Variants in NRXN3 observed in about 807,000 individuals in gnomAD.
NRXN3 encodes the protein neurexin 3.
In NRXN3, 32 loss-of-function variants were observed where a neutral mutation model predicts 137.6. That is an observed-to-expected ratio of 0.23 (90% confidence interval 0.18 to 0.31). NRXN3 has a LOEUF of 0.31. NRXN3 is among the 10% of genes least tolerant of loss of function. NRXN3 has a pLI of 1.00. For synonymous variants in NRXN3, 798 were observed against 784.5 expected, an observed-to-expected ratio of 1.02 and a Z score of -0.29; for missense variants, 1,574 against 2,062.5, an observed-to-expected ratio of 0.76 and a Z score of 4.59.
intron 19 of NRXN3, among the ~76,000 whole-genome samples, chr14:79,795,596 C>A (rs1299002609): frequency 6.6e-6 from 1 of 152,210 alleles, no homozygotes; most frequent in Non-Finnish European, 1.5e-5. Context: ...CCACAGATCA[C>A]TTGTAACTCC....
At chr14:78,966,462 C>A in intron 12 of NRXN3, 56 bp downstream of exon 12, 2 of 1,530,804 alleles carry the variant, frequency 1.3e-6, no homozygotes, top group Non-Finnish European at 1.8e-6. Context: ...TGAAGCTCTA[C>A]GTAAAATATG....
At chr14:78,613,164 C>A (rs572817611) in intron 4 of NRXN3, among the ~76,000 whole-genome samples, 1 of 152,104 alleles carries the variant, frequency 6.6e-6, no homozygotes, top group Non-Finnish European at 1.5e-5. Flanking sequence ...TGTTTAATTG[C>A]GCTAAGTTCT....
At chr14:79,494,434 CA>C (rs2096746900) in intron 16 of NRXN3, among the ~76,000 whole-genome samples, 1 of 152,108 alleles carries the variant, frequency 6.6e-6, no homozygotes, top group Non-Finnish European at 1.5e-5. Context: ...ACACAGAAAG[CA>C]AAAGAGGTGA....
intron 16 of NRXN3, among the ~76,000 whole-genome samples, chr14:79,597,343 G>T (rs1206188231): frequency 1.3e-5 from 2 of 152,140 alleles, no homozygotes; most frequent in African/African-American, 4.8e-5. Flanking sequence ...GGAAATGCTT[G>T]TCAGACAAGC....
At chr14:78,859,299 C>G (rs1203787419) in intron 10 of NRXN3, among the ~76,000 whole-genome samples, 1 of 152,068 alleles carries the variant, frequency 6.6e-6, no homozygotes, top group Admixed American at 6.6e-5. Flanking sequence ...CTTGGGTACT[C>G]CTTCATAGCG....
chr14:78,962,944 C>A (rs1218620688), intron 11 of NRXN3, among the ~76,000 whole-genome samples: 1 of 152,094 alleles, frequency 6.6e-6, no homozygotes, highest in African/African-American at 2.4e-5. Context: ...GATCTCCTGA[C>A]CTCGTGATCC....
At chr14:78,303,912 C>G (rs1262672591) in intron 4 of NRXN3, among the ~76,000 whole-genome samples, 2 of 152,138 alleles carry the variant, frequency 1.3e-5, no homozygotes, top group East Asian at 3.8e-4. Flanking sequence ...TGTCTTTGCC[C>G]TCTCTGTCAC....
At chr14:78,789,459 C>T (rs1309447621) in intron 8 of NRXN3, among the ~76,000 whole-genome samples, 1 of 152,102 alleles carries the variant, frequency 6.6e-6, no homozygotes, top group East Asian at 1.9e-4. Flanking sequence ...CGCTAGATAT[C>T]CCACAATACA....
chr14:78,853,781 C>G (rs1426985543), intron 10 of NRXN3, among the ~76,000 whole-genome samples: 2 of 152,110 alleles, frequency 1.3e-5, no homozygotes, highest in East Asian at 3.9e-4. Context: ...TTCTCACTGC[C>G]CTGACTTCTA....
At chr14:79,161,481 C>T (rs557407415) in intron 15 of NRXN3, among the ~76,000 whole-genome samples, 11 of 152,002 alleles carry the variant, frequency 7.2e-5, no homozygotes, top group Admixed American at 2.0e-4. Flanking sequence ...CATCTTGACA[C>T]GGCATATATT....
intron 15 of NRXN3, among the ~76,000 whole-genome samples, chr14:79,302,897 C>A (rs1391659205): frequency 6.6e-6 from 1 of 151,874 alleles, no homozygotes; most frequent in African/African-American, 2.4e-5. Context: ...TGGAAACAGA[C>A]CACACAGACC....
chr14:78,855,887 T>C (rs1042702913), intron 10 of NRXN3, among the ~76,000 whole-genome samples: 3 of 152,208 alleles, frequency 2.0e-5, no homozygotes. Context: ...TTATAGAATA[T>C]AAAGATTTTC....
At chr14:78,769,377 C>T (rs1024787625) in intron 8 of NRXN3, among the ~76,000 whole-genome samples, 5 of 152,294 alleles carry the variant, frequency 3.3e-5, no homozygotes, top group Admixed American at 2.6e-4. Flanking sequence ...CTGCAAACAT[C>T]CTATTTCCAA....
chr14:78,894,300 T>G (rs768811729), intron 10 of NRXN3, among the ~76,000 whole-genome samples: 1 of 151,982 alleles, frequency 6.6e-6, no homozygotes, highest in Non-Finnish European at 1.5e-5. Flanking sequence ...TTATGGAATA[T>G]TCTAAATCCT....
intron 17 of NRXN3, among the ~76,000 whole-genome samples, chr14:79,673,047 G>A (rs771189548): frequency 9.2e-5 from 14 of 152,006 alleles, no homozygotes; most frequent in East Asian, 3.9e-4. Flanking sequence ...TCACTCAATC[G>A]ATTGTAATCA....
chr14:79,145,582 G>A (rs1002729001), intron 15 of NRXN3, among the ~76,000 whole-genome samples: 1 of 152,168 alleles, frequency 6.6e-6, no homozygotes, highest in Admixed American at 6.5e-5. Context: ...AGCCTCAAAT[G>A]CTCCTAGGAG....
chr14:78,547,758 C>T (rs1163670636), intron 4 of NRXN3, among the ~76,000 whole-genome samples: 1 of 151,250 alleles, frequency 6.6e-6, no homozygotes, highest in Admixed American at 6.6e-5. Flanking sequence ...TTTCTCATTT[C>T]TATTCCTTAG....
At chr14:79,668,867 A>G (rs1460744437) in intron 17 of NRXN3, among the ~76,000 whole-genome samples, 1 of 152,022 alleles carries the variant, frequency 6.6e-6, no homozygotes, top group Non-Finnish European at 1.5e-5. Flanking sequence ...TTTCCAACAT[A>G]TTTTGTTTAA....
At chr14:78,723,957 G>A (rs918441555) in intron 8 of NRXN3, among the ~76,000 whole-genome samples, 2 of 152,120 alleles carry the variant, frequency 1.3e-5, no homozygotes, top group African/African-American at 4.8e-5. Context: ...ATTAAAATGT[G>A]ACTCTTTTGT....
Sources: allele counts gnomAD v4.1 joint callset (sites outside exome capture counted in the v4.1 genomes callset), GRCh38; gene constraint gnomAD v4.1.1; transcripts MANE v1.5; gene names NCBI Gene and HGNC (gene_info 2026-07-23, HGNC 2026-07-21).